PCDHA4: variants seen among roughly 807,000 people sequenced by gnomAD.
PCDHA4 encodes protocadherin alpha-4.
Under a neutral mutation model 61.4 loss-of-function variants are expected in PCDHA4, and 49 were observed. The ratio of observed to expected loss-of-function variants is 0.80; its 90% CI spans 0.63 to 1.01. The LOEUF (loss-of-function observed/expected upper bound fraction) is 1.01, where lower values mean the gene tolerates loss of function less well. Ranked by LOEUF, PCDHA4 falls within the 50% of genes least tolerant of loss-of-function variation. PCDHA4 has a pLI of 0.00. For synonymous variants in PCDHA4, 590 were observed against 550.3 expected (o/e 1.07, Z -1.01); for missense variants, 1,254 against 1,235.8 (o/e 1.01, Z -0.22).
chr5:140,966,413 A>G, intron 1 of PCDHA4: 2 of 419,134 alleles, frequency 4.8e-6, no homozygotes, highest in South Asian at 1.0e-4. Flanking sequence ...GAATCAGAGC[A>G]GGACTTGCTG....
chr5:140,901,229 T>C (rs1394148058), intron 1 of PCDHA4, among the ~76,000 whole-genome samples: 1 of 152,166 alleles, frequency 6.6e-6, no homozygotes, highest in African/African-American at 2.4e-5. Context: ...ATCCCATATA[T>C]CCATTTTTTT....
intron 1 of PCDHA4, chr5:140,827,874 A>C: frequency 1.6e-6 from 1 of 638,432 alleles, no homozygotes; most frequent in South Asian, 2.0e-5. Flanking sequence ...TAGCACTGTT[A>C]CGTGAATTGA....
At chr5:140,927,564 G>T (rs868927450) in intron 1 of PCDHA4, 1 of 1,614,150 alleles carries the variant, frequency 6.2e-7, no homozygotes. Context: ...TCATTGTGGT[G>T]GACACAAATG....
At chr5:140,882,327 T>C in intron 1 of PCDHA4, 1 of 1,614,172 alleles carries the variant, frequency 6.2e-7, no homozygotes, top group Non-Finnish European at 8.5e-7. Flanking sequence ...TGGCTTCTGA[T>C]CCTCGCAGCC....
chr5:140,849,276 G>T, intron 1 of PCDHA4: 1 of 1,173,354 alleles, frequency 8.5e-7, no homozygotes, highest in Non-Finnish European at 1.2e-6. Flanking sequence ...CGGAACGCTG[G>T]TGATTCACCC....
chr5:140,975,056 A>C (rs1006106436), intron 1 of PCDHA4, among the ~76,000 whole-genome samples: 1 of 152,154 alleles, frequency 6.6e-6, no homozygotes, highest in Non-Finnish European at 1.5e-5. Flanking sequence ...AGAATCTACT[A>C]TCGAGCTCAT....
intron 1 of PCDHA4, among the ~76,000 whole-genome samples, chr5:140,918,875 T>G (rs1283138930): frequency 2.0e-5 from 3 of 152,188 alleles, no homozygotes; most frequent in African/African-American, 7.2e-5. Context: ...CTTTCAAGCC[T>G]CTAGAACAGT....
At chr5:140,927,200 AC>A in intron 1 of PCDHA4, 1 of 1,614,014 alleles carries the variant, frequency 6.2e-7, no homozygotes, top group Non-Finnish European at 8.5e-7. Context: ...GTGCTCGAGG[AC>A]CCGCTGGAGC....
At chr5:140,821,608 T>G in intron 1 of PCDHA4, 1 of 759,916 alleles carries the variant, frequency 1.3e-6, no homozygotes, top group Non-Finnish European at 2.0e-6. Flanking sequence ...AGGAATACAG[T>G]GAGTAGATTT....
At chr5:140,941,150 G>T (rs894422349) in intron 1 of PCDHA4, among the ~76,000 whole-genome samples, 1 of 151,436 alleles carries the variant, frequency 6.6e-6, no homozygotes, top group Non-Finnish European at 1.5e-5. Context: ...TAGTTTGGAG[G>T]CCCCATAAGA....
Position 140,807,824 on chromosome 5 carries a change from A to G in PCDHA4, c.637A>G (p.Thr213Ala). 1 of 1,614,212 alleles carries G rather than the reference A, an allele frequency of 6.2e-7. No homozygotes were observed. The highest frequency in any genetic ancestry group is 8.5e-7 in the Non-Finnish European group (1 of 1,180,046). Residue 213 changes from threonine (T) to alanine (A), a missense_variant, in exon 1 of 4, where the codon ACA becomes GCA. Physicochemically the swap from Thr to Ala is moderately conservative, Grantham distance 58 (BLOSUM62 0). Coordinates refer to ENST00000530339, the MANE Select transcript of PCDHA4 (RefSeq NM_018907.4). Reference protein sequence around the residue: ...EEAPEIFLVLTATDGGKPELT... With the variant: ...EEAPEIFLVLAATDGGKPELT... Reference sequence around the variant, plus strand: ...AGCTCCGGAGATTTTTTTAGTGCTCACAGCCACTGATGGAGGCAAACCCGA... The same window carrying G: ...AGCTCCGGAGATTTTTTTAGTGCTCGCAGCCACTGATGGAGGCAAACCCGA...
At chr5:140,909,170 G>A (rs1381735874) in intron 1 of PCDHA4, among the ~76,000 whole-genome samples, 1 of 152,188 alleles carries the variant, frequency 6.6e-6, no homozygotes, top group Non-Finnish European at 1.5e-5. Flanking sequence ...AATCAATCAA[G>A]TTCTCTCCAA....
At chr5:140,835,408 A>T (rs2150235029) in intron 1 of PCDHA4, 3 of 1,614,004 alleles carry the variant, frequency 1.9e-6, no homozygotes, top group Non-Finnish European at 2.5e-6. Flanking sequence ...GAAGTTGTGG[A>T]TGTAAATGAC....
chr5:140,957,446 C>T (rs1357499949), intron 1 of PCDHA4, among the ~76,000 whole-genome samples: 2 of 152,216 alleles, frequency 1.3e-5, no homozygotes, highest in East Asian at 1.9e-4. Context: ...TTATAAATCA[C>T]ACTTTATCAT....
chr5:140,867,971 C>T (rs1230179778), intron 1 of PCDHA4: 1 of 152,032 alleles, frequency 6.6e-6, no homozygotes, highest in African/African-American at 2.4e-5. Flanking sequence ...ATTCTTTCAA[C>T]AAGAAACAAA....
chr5:140,843,209 G>A, intron 1 of PCDHA4: 2 of 1,596,078 alleles, frequency 1.3e-6, no homozygotes, highest in African/African-American at 2.7e-5. Context: ...GTACACGGGC[G>A]AGATCAGCAC....
In PCDHA4 at chr5:140,820,736, T is replaced by A. The variant is rs184348136; in HGVS notation, c.2385+11164T>A. ...TATTTACTGGAACCTAAACATTTTG[T>A]GAAATAGTATGTCATATAGACAATA... On this transcript the variant is annotated intron_variant, in intron 1 of 3. Transcript: ENST00000530339. 1.5e-3 allele frequency among the ~76,000 whole-genome samples: 225 copies of A among 152,168 alleles called. 1 individual carries two copies. The highest frequency in any genetic ancestry group is 2.8e-3 in the Non-Finnish European group (192 of 67,898).
intron 1 of PCDHA4, among the ~76,000 whole-genome samples, chr5:140,888,561 G>A (rs2061877783): frequency 6.6e-6 from 1 of 152,156 alleles, no homozygotes; most frequent in South Asian, 2.1e-4. Flanking sequence ...TTCCTTTCAA[G>A]GCTTCATTTT....
intron 1 of PCDHA4, among the ~76,000 whole-genome samples, chr5:140,908,375 G>C (rs922545563): frequency 6.6e-6 from 1 of 152,174 alleles, no homozygotes; most frequent in Non-Finnish European, 1.5e-5. Context: ...TTCAGGACCT[G>C]CTCGAGCCCG....
Sources: allele counts gnomAD v4.1 joint callset (sites outside exome capture counted in the v4.1 genomes callset), GRCh38; gene constraint gnomAD v4.1.1; transcripts MANE v1.5; gene names NCBI Gene and HGNC (gene_info 2026-07-23, HGNC 2026-07-21).